Variants in CERS6 observed in about 807,000 individuals in gnomAD.
The protein encoded by CERS6 is LAG1 homolog, ceramide synthase 6.
CERS6 carries 26 observed loss-of-function variants against 56.8 expected under a neutral mutation model. The observed-to-expected ratio is 0.46, with a 90% CI of 0.34 to 0.63. CERS6 has a LOEUF of 0.63. CERS6 is among the 30% of genes least tolerant of loss of function. The pLI is 0.01. For synonymous variants in CERS6, 164 were observed against 173.3 expected, an observed-to-expected ratio of 0.95 and a Z score of 0.42; for missense variants, 415 against 467.5, an observed-to-expected ratio of 0.89 and a Z score of 1.04.
chr2:168,711,323 C>T (rs866089768), intron 6 of CERS6, among the ~76,000 whole-genome samples: 5 of 152,136 alleles, frequency 3.3e-5, no homozygotes, highest in Non-Finnish European at 4.4e-5. Flanking sequence ...ACTCGCTCCC[C>T]GCCACATATA....
At chr2:168,721,165 A>C (rs1687356294) in intron 8 of CERS6, among the ~76,000 whole-genome samples, 1 of 152,212 alleles carries the variant, frequency 6.6e-6, no homozygotes, top group African/African-American at 2.4e-5. Flanking sequence ...TGTCTCTGTG[A>C]ACTTACATTT....
At chr2:168,591,733 G>A (rs1415321783) in intron 3 of CERS6, among the ~76,000 whole-genome samples, 1 of 152,146 alleles carries the variant, frequency 6.6e-6, no homozygotes, top group South Asian at 2.1e-4. Flanking sequence ...TTATAAAGAT[G>A]CATAAAAACA....
At chr2:168,559,502 C>A (rs541051676) in intron 2 of CERS6, among the ~76,000 whole-genome samples, 3 of 151,998 alleles carry the variant, frequency 2.0e-5, no homozygotes, top group African/African-American at 7.2e-5. Context: ...ATGGAACAGA[C>A]TGAGAGAGAC....
Position 168,533,319 on chromosome 2 carries a change from G to C in CERS6, c.171-14277G>C, listed in dbSNP as rs1234548802. Among the ~76,000 whole-genome samples, 62 of 143,278 alleles carry C rather than the reference G, an allele frequency of 4.3e-4. 1 individual carries two copies. The highest frequency in any genetic ancestry group is 4.2e-3 in the Admixed American group (61 of 14,686). The allele number at this position is 143,278 out of a possible 152,430, so 94.0% of individuals were successfully genotyped here. A position where few individuals can be genotyped will look rare whatever the true frequency, so the allele number is the denominator to read the frequency against. ...CCCTCTTTTTCTATTGTTTGGAACA[G>C]ATTGGAATAGTTTGGAATAGATTGG... On this transcript the variant is annotated intron_variant, in intron 1 of 9. Coordinates refer to ENST00000305747, the MANE Select transcript of CERS6 (RefSeq NM_203463.3).
At chr2:168,705,745 A>C (rs1045166529) in intron 6 of CERS6, among the ~76,000 whole-genome samples, 2 of 152,150 alleles carry the variant, frequency 1.3e-5, no homozygotes, top group Non-Finnish European at 2.9e-5. Context: ...AGTAGAACAC[A>C]ATCTGCCCCC....
At chr2:168,692,483 G>A (rs1482274064) in intron 5 of CERS6, among the ~76,000 whole-genome samples, 5 of 152,172 alleles carry the variant, frequency 3.3e-5, no homozygotes, top group African/African-American at 1.2e-4. Flanking sequence ...AGTTGCTAGA[G>A]CTATGGTCTA....
chr2:168,603,901 C>T (rs1157376620), intron 3 of CERS6, among the ~76,000 whole-genome samples: 1 of 152,124 alleles, frequency 6.6e-6, no homozygotes, highest in African/African-American at 2.4e-5. Flanking sequence ...CTCTCTAGTC[C>T]GTAGTCTATA....
chr2:168,530,832 G>A (rs1388839420), intron 1 of CERS6, among the ~76,000 whole-genome samples: 1 of 152,232 alleles, frequency 6.6e-6, no homozygotes, highest in Non-Finnish European at 1.5e-5. Context: ...CTCCTCAGAT[G>A]AGGTTGGTAT....
At chr2:168,474,084 A>G (rs1047164546) in intron 1 of CERS6, among the ~76,000 whole-genome samples, 1 of 152,218 alleles carries the variant, frequency 6.6e-6, no homozygotes, top group East Asian at 1.9e-4. Flanking sequence ...AAAAGAAAAT[A>G]TGAATGGTAT....
In CERS6 at chr2:168,739,052, A is replaced by ATTTTTTTTTTT. The variant is rs59967315; in HGVS notation, c.845+21093_845+21103dup. Among the ~76,000 whole-genome samples, 49 of 87,624 alleles carry ATTTTTTTTTTT rather than the reference A, an allele frequency of 5.6e-4. 1 individual carries two copies. Among genetic ancestry groups the ATTTTTTTTTTT allele is most frequent in the African/African-American group, 8.4e-4 (17 of 20,210 alleles). 57.5% of individuals were successfully genotyped at this position (87,624 alleles called of 152,430 possible). On this transcript the variant is annotated intron_variant, in intron 8 of 9. Coordinates refer to ENST00000305747, the MANE Select transcript of CERS6 (RefSeq NM_203463.3). Reference sequence around the variant, plus strand: ...AGGCACATGCTGCCACACCCGGCTAATTTTTTTTTTTTTTTTTTTTTTTTT... The same window carrying ATTTTTTTTTTT: ...AGGCACATGCTGCCACACCCGGCTAATTTTTTTTTTTTTTTTTTTTTTTTTTTTTTTTTTTT...
chr2:168,661,165 G>T (rs550499647), intron 4 of CERS6, among the ~76,000 whole-genome samples: 1 of 152,202 alleles, frequency 6.6e-6, no homozygotes, highest in East Asian at 1.9e-4. Flanking sequence ...CAAGAAAAGG[G>T]AAAAAGAGAA....
intron 8 of CERS6, 21 bp downstream of exon 8, chr2:168,717,999 C>T (rs746315106): frequency 6.7e-7 from 1 of 1,495,310 alleles, no homozygotes; most frequent in African/African-American, 1.4e-5. Context: ...CAGTCTCCTT[C>T]CTGATAGAGC....
At chr2:168,748,576 C>T (rs1684174606) in intron 8 of CERS6, among the ~76,000 whole-genome samples, 1 of 152,324 alleles carries the variant, frequency 6.6e-6, no homozygotes, top group East Asian at 1.9e-4. Context: ...GAATGGCTGG[C>T]CTGGGGACTG....
intron 1 of CERS6, among the ~76,000 whole-genome samples, chr2:168,534,378 G>A (rs894854573): frequency 4.7e-5 from 7 of 147,894 alleles, no homozygotes; most frequent in African/African-American, 9.9e-5. Context: ...CTTTGAACCT[G>A]CTAACCCTTG....
In CERS6 at chr2:168,715,273, G is replaced by A. The variant is rs972398548; in HGVS notation, c.738+144G>A. 1.2e-5 allele frequency: 7 copies of A among 563,190 alleles called. No individual in the cohort carries two copies. The African/African-American group carries it at 1.4e-4, about 11-fold the overall frequency. 34.9% of individuals were successfully genotyped at this position (563,190 alleles called of 1,614,324 possible). A position where few individuals can be genotyped will look rare whatever the true frequency, so the allele number is the denominator to read the frequency against. ...TGAAACTGCAGAGTGTTTCTTTGTA[G>A]GTTAAGCTGGTGAAAATGAGATTCT... On this transcript the variant is annotated intron_variant, in intron 7 of 9. Transcript: ENST00000305747.
At chr2:168,656,515 G>A (rs939668995) in intron 4 of CERS6, among the ~76,000 whole-genome samples, 2 of 151,974 alleles carry the variant, frequency 1.3e-5, no homozygotes, top group African/African-American at 4.8e-5. Flanking sequence ...GCTCAGGAGT[G>A]AAGCTGCAGA....
chr2:168,542,788 C>G (rs1271048661), intron 1 of CERS6, among the ~76,000 whole-genome samples: 1 of 152,116 alleles, frequency 6.6e-6, no homozygotes, highest in African/African-American at 2.4e-5. Flanking sequence ...CCTCTGCCTC[C>G]CGGGTTCAAG....
chr2:168,527,224 T>A lies in CERS6; in HGVS notation c.171-20372T>A, dbSNP rs543766301. 2.8e-4 allele frequency among the ~76,000 whole-genome samples: 42 copies of A among 152,332 alleles called. No individual in the cohort carries two copies. In the East Asian group the frequency reaches 7.7e-3, roughly 28 times the overall value. On this transcript the variant is annotated intron_variant, in intron 1 of 9. Transcript: ENST00000305747. ...TTTATTTAAAAACAGACTTTATTTT[T>A]AAGAGCAGTTTTAGGTTCACATCAA...
chr2:168,562,527 G>A lies in CERS6; in HGVS notation c.407+1205G>A, dbSNP rs564376271. Among the ~76,000 whole-genome samples, 791 of 152,318 alleles carry A rather than the reference G, an allele frequency of 5.2e-3. 6 individuals are homozygous for A. The highest frequency in any genetic ancestry group is 0.015 in the South Asian group (70 of 4,820). ...AAAACATGTGAGCAAAAGAATCTAT[G>A]TTAGAATTAAGTTCAAGGGAAGGTA... is the stretch of plus-strand genomic sequence containing the variant. On this transcript the variant is annotated intron_variant, in intron 3 of 9. Coordinates refer to ENST00000305747, the MANE Select transcript of CERS6 (RefSeq NM_203463.3).
Sources: allele counts gnomAD v4.1 joint callset (sites outside exome capture counted in the v4.1 genomes callset), GRCh38; gene constraint gnomAD v4.1.1; transcripts MANE v1.5; gene names NCBI Gene and HGNC (gene_info 2026-07-23, HGNC 2026-07-21).